The following SH3PXD2A variants were observed in gnomAD, a reference collection of about 807,000 sequenced individuals.
The protein encoded by SH3PXD2A is SH3 and PX domains 2A, also known as SH3 and PX domain-containing protein 2A.
Under a neutral mutation model 115.2 loss-of-function variants are expected in SH3PXD2A, and 32 were observed. The ratio of observed to expected loss-of-function variants is 0.28; its 90% CI spans 0.21 to 0.37. SH3PXD2A has a LOEUF of 0.37. Ranked by LOEUF, SH3PXD2A falls within the 10% of genes least tolerant of loss-of-function variation. The probability of loss-of-function intolerance (pLI) is 1.00; values close to 1 mark genes in which losing one functional copy is unlikely to be tolerated. For missense variants in SH3PXD2A, 1,328 were observed against 1,498.7 expected (o/e 0.89, Z 1.88); for synonymous variants, 610 against 629.1 (o/e 0.97, Z 0.45).
intron 2 of SH3PXD2A, among the ~76,000 whole-genome samples, chr10:103,783,024 G>A (rs927897541): frequency 6.6e-6 from 1 of 152,006 alleles, no homozygotes; most frequent in Non-Finnish European, 1.5e-5. Flanking sequence ...TGAGGGAAGG[G>A]ACTGCAGGCA....
At chr10:103,845,346 GAA>G (rs61352013) in intron 1 of SH3PXD2A, among the ~76,000 whole-genome samples, 2 of 86,334 alleles carry the variant, frequency 2.3e-5, no homozygotes, top group Non-Finnish European at 4.5e-5. Context: ...AAAAAAAAAA[GAA>G]AAAAGAAAAA....
intron 1 of SH3PXD2A, among the ~76,000 whole-genome samples, chr10:103,812,961 GTATA>G (rs1338958511): frequency 2.6e-5 from 4 of 152,140 alleles, no homozygotes; most frequent in Non-Finnish European, 5.9e-5. Flanking sequence ...GTATGTGTGT[GTATA>G]TATGTGTGTG....
In SH3PXD2A at chr10:103,666,664, T is replaced by C. The variant is rs2037387410; in HGVS notation, c.472+1944A>G. On this transcript the variant is annotated intron_variant, in intron 7 of 14. Transcript: ENST00000369774. This position sits in a 1 kb window ranked among gnomAD's most constrained non-coding sequence, Gnocchi z 4.5. ...GGAGGACACGTAACCTCTCTTGAGC[T>C]TTAGTGTCATCTGGAAACAGGAACA... Among the ~76,000 whole-genome samples, 1 of 152,352 alleles carries C rather than the reference T, an allele frequency of 6.6e-6. No individual in the cohort carries two copies. Among genetic ancestry groups the C allele is most frequent in the African/African-American group, 2.4e-5 (1 of 41,578 alleles).
chr10:103,603,737 T>G lies in SH3PXD2A; in HGVS notation c.1481A>C (p.Glu494Ala), dbSNP rs1592256340. Residue 494 changes from glutamate to alanine, a missense_variant, in exon 15 of 15, where the codon GAG (glutamate) becomes GCG (alanine). Glu to Ala is a moderately radical substitution (Grantham distance 107, BLOSUM62 -1). Transcript: ENST00000369774. ...GATGTATGATGCGGGGGCCCAGCCC[T>G]CCTTCTCACCGATCTGCACGTACCA... ...GWWYVQIGEK[E>A]GWAPASYIDK... 2 of 1,611,150 alleles carry G rather than the reference T, an allele frequency of 1.2e-6. No homozygotes were observed. Among genetic ancestry groups the G allele is most frequent in the Middle Eastern group, 3.3e-4 (2 of 6,060 alleles).
intron 1 of SH3PXD2A, among the ~76,000 whole-genome samples, chr10:103,840,411 A>G (rs2039586090): frequency 6.6e-6 from 1 of 152,194 alleles, no homozygotes. Flanking sequence ...CTGCAGTGTC[A>G]GGTTCCAGAA....
At chr10:103,708,591 G>A (rs949585927) in intron 5 of SH3PXD2A, among the ~76,000 whole-genome samples, 19 of 152,154 alleles carry the variant, frequency 1.2e-4, no homozygotes, top group Admixed American at 4.6e-4. Context: ...CAGTCCCTGC[G>A]AGATGAAGCT....
chr10:103,623,279 C>A (rs926897302), intron 9 of SH3PXD2A, among the ~76,000 whole-genome samples: 2 of 139,974 alleles, frequency 1.4e-5, no homozygotes, highest in East Asian at 3.9e-4. Context: ...GCCCCCTCCC[C>A]AGCTTCTCAC....
intron 7 of SH3PXD2A, chr10:103,661,639 G>C (rs1205283060): frequency 1.0e-6 from 1 of 984,746 alleles, no homozygotes; most frequent in African/African-American, 1.7e-5. Context: ...CTGCAAACCC[G>C]AGAGAAAAGG....
intron 7 of SH3PXD2A, chr10:103,661,638 C>A: frequency 1.0e-6 from 1 of 984,794 alleles, no homozygotes; most frequent in Non-Finnish European, 1.2e-6. Flanking sequence ...CCTGCAAACC[C>A]GAGAGAAAAG....
chr10:103,754,490 A>C (rs1179269244), intron 3 of SH3PXD2A: 1 of 152,200 alleles, frequency 6.6e-6, no homozygotes, highest in African/African-American at 2.4e-5. Context: ...CCCTATCTTC[A>C]AAACCACAGA....
chr10:103,801,186 A>G (rs1344059296), intron 2 of SH3PXD2A, 96 bp downstream of exon 2: 1 of 744,120 alleles, frequency 1.3e-6, no homozygotes, highest in African/African-American at 1.7e-5. Context: ...TCTGACCCTG[A>G]CAGCTCTCTT....
At chr10:103,688,893 G>A (rs1383939663) in intron 6 of SH3PXD2A, among the ~76,000 whole-genome samples, 2 of 151,804 alleles carry the variant, frequency 1.3e-5, no homozygotes, top group Non-Finnish European at 2.9e-5. Context: ...TAGAGATAGG[G>A]TCTCTCTCTG....
At chr10:103,780,570 CAATGAAAG>C (rs2038922700) in intron 2 of SH3PXD2A, among the ~76,000 whole-genome samples, 1 of 152,116 alleles carries the variant, frequency 6.6e-6, no homozygotes, top group Non-Finnish European at 1.5e-5. Flanking sequence ...CAGGAGAGGG[CAATGAAAG>C]CATCCTTGAA....
intron 10 of SH3PXD2A, 21 bp downstream of exon 10, chr10:103,622,449 G>T (rs2036621407): frequency 1.3e-6 from 2 of 1,516,964 alleles, no homozygotes; most frequent in Non-Finnish European, 1.8e-6. Context: ...CGAGGGAGGA[G>T]AAGCCAGCTC....
chr10:103,728,876 G>T (rs1458915450), intron 4 of SH3PXD2A, among the ~76,000 whole-genome samples: 5 of 142,714 alleles, frequency 3.5e-5, no homozygotes, highest in African/African-American at 5.3e-5. Context: ...GCAAAGAGTT[G>T]TTTTTTTTGT....
intron 7 of SH3PXD2A, among the ~76,000 whole-genome samples, 189 bp from the exon 8 acceptor site, chr10:103,661,303 G>A (rs796373616): frequency 6.6e-6 from 1 of 152,242 alleles, no homozygotes; most frequent in Non-Finnish European, 1.5e-5. Flanking sequence ...GCCCCAGACC[G>A]GCCCGCTGCA....
chr10:103,657,457 G>C (rs1418185740), intron 8 of SH3PXD2A, among the ~76,000 whole-genome samples: 2 of 152,216 alleles, frequency 1.3e-5, no homozygotes, highest in Non-Finnish European at 2.9e-5. Flanking sequence ...CTTATGTCAA[G>C]GGTAGAGGGG....
intron 5 of SH3PXD2A, among the ~76,000 whole-genome samples, chr10:103,716,287 T>G (rs2902635): frequency 0.34 from 51,048 of 152,036 alleles, 11,047 homozygotes; most frequent in African/African-American, 0.62. Context: ...GCAGGGACAC[T>G]GGGGGTGGAC....
intron 3 of SH3PXD2A, among the ~76,000 whole-genome samples, chr10:103,760,367 G>A (rs2038686786): frequency 6.6e-6 from 1 of 152,116 alleles, no homozygotes. Context: ...CCAGGAGTTT[G>A]AGACCAGCCT....
Sources: gnomAD v4.1 joint callset for allele counts (sites outside exome capture counted in the v4.1 genomes callset) on GRCh38, gnomAD v4.1.1 for gene constraint, Gnocchi (gnomAD v3.1) non-coding constraint, MANE v1.5 for transcripts, NCBI Gene and HGNC (gene_info 2026-07-23, HGNC 2026-07-21) for gene names.